Variants in ATP8B1 observed in about 807,000 individuals in gnomAD.
ATP8B1 encodes ATPase phospholipid transporting 8B1.
ATP8B1 carries 80 observed loss-of-function variants against 149.9 expected under a neutral mutation model. The observed-to-expected ratio is 0.53, with a 90% confidence interval of 0.45 to 0.64. The LOEUF is 0.64. Ranked by LOEUF, ATP8B1 falls within the 30% of genes least tolerant of loss-of-function variation. The pLI is 0.00. For missense variants in ATP8B1, 1,247 were observed against 1,552.6 expected, an observed-to-expected ratio of 0.80 and a Z score of 3.31; for synonymous variants, 536 against 562.8, an observed-to-expected ratio of 0.95 and a Z score of 0.67.
rs543609116 is a variant in ATP8B1, at chr18:57,763,991, G to T, written c.-25-32159C>A. Among the ~76,000 whole-genome samples, 9 of 152,324 alleles carry T rather than the reference G, an allele frequency of 5.9e-5. No homozygotes were observed. The South Asian group carries it at 1.9e-3, about 32-fold the overall frequency. The stretch of plus-strand genomic sequence containing the variant: ...TCGTTCATGGGACAGGTAAAGCTCT[G>T]AGAAGCACGATATCCCCAGCTGTGC... On this transcript the variant is annotated intron_variant, in intron 1 of 27. Coordinates refer to ENST00000648908, the MANE Select transcript of ATP8B1 (RefSeq NM_001374385.1).
chr18:57,703,295 C>T (rs569616303), intron 4 of ATP8B1, among the ~76,000 whole-genome samples: 21 of 152,072 alleles, frequency 1.4e-4, no homozygotes, highest in Non-Finnish European at 2.8e-4. Context: ...AAGTGCCGGG[C>T]GCAGTGGCTC....
intron 1 of ATP8B1, among the ~76,000 whole-genome samples, chr18:57,740,163 T>C (rs530804798): frequency 1.7e-4 from 26 of 152,248 alleles, no homozygotes; most frequent in African/African-American, 5.8e-4. Context: ...CGATCTCAGC[T>C]CACTGCAACC....
chr18:57,717,480 G>A (rs571552796), intron 2 of ATP8B1, among the ~76,000 whole-genome samples: 33 of 132,236 alleles, frequency 2.5e-4, no homozygotes, highest in South Asian at 2.5e-4. Context: ...CCCGGGAGGC[G>A]GAGCTTGCAG....
chr18:57,672,941 A>C (rs1308542687), intron 16 of ATP8B1, among the ~76,000 whole-genome samples: 3,562 of 95,284 alleles, frequency 0.037, 370 homozygotes, highest in Non-Finnish European at 0.054. Context: ...TAACATGTAT[A>C]TACACATATA....
intron 2 of ATP8B1, among the ~76,000 whole-genome samples, chr18:57,707,454 GA>G (rs1247753002): frequency 1.3e-5 from 2 of 152,280 alleles, no homozygotes; most frequent in African/African-American, 4.8e-5. Context: ...GCAGAGAAGA[GA>G]AATTAACAAT....
rs1012344771 is a variant in ATP8B1, at chr18:57,647,983, G to A, written c.*505C>T. The A allele has an allele frequency of 9.2e-6, 2 of 216,378 alleles. No homozygotes were observed. Among genetic ancestry groups the A allele is most frequent in the South Asian group, 6.9e-5 (1 of 14,480 alleles). The allele number at this position is 216,378 out of a possible 1,614,324, so 13.4% of individuals were successfully genotyped here. ...ATGACAGGCATGAGCCACCATGCCC[G>A]GCCTATTTTTAAATTTTTCTTAAGA... On this transcript the variant is annotated 3_prime_UTR_variant, in exon 28 of 28. Transcript: ENST00000648908.
At chr18:57,764,723 A>G (rs1226296031) in intron 1 of ATP8B1, among the ~76,000 whole-genome samples, 2 of 147,886 alleles carry the variant, frequency 1.4e-5, no homozygotes, top group Admixed American at 1.4e-4. Flanking sequence ...CCAGCCTGAC[A>G]CTATTCTTGA....
chr18:57,734,910 G>A (rs549718705), intron 1 of ATP8B1, among the ~76,000 whole-genome samples: 2 of 152,306 alleles, frequency 1.3e-5, no homozygotes, highest in Admixed American at 6.5e-5. Context: ...TTAAACAGGA[G>A]GCTTGCAACT....
intron 22 of ATP8B1, among the ~76,000 whole-genome samples, chr18:57,658,808 G>A (rs55740540): frequency 0.16 from 25,011 of 151,918 alleles, 2,204 homozygotes; most frequent in African/African-American, 0.23. Flanking sequence ...TGGGACTACC[G>A]GTGTGTGCCC....
At chr18:57,773,778 C>G (rs945768353) in intron 1 of ATP8B1, among the ~76,000 whole-genome samples, 52 of 152,232 alleles carry the variant, frequency 3.4e-4, no homozygotes, top group African/African-American at 1.2e-3. Context: ...TCCCTCCTAC[C>G]CTGCTCCCTA....
At chr18:57,717,311 C>T (rs755399529) in intron 2 of ATP8B1, among the ~76,000 whole-genome samples, 27 of 151,600 alleles carry the variant, frequency 1.8e-4, no homozygotes, top group African/African-American at 4.8e-4. Context: ...TTTGGGAGGC[C>T]GAGGTGGGCA....
intron 1 of ATP8B1, among the ~76,000 whole-genome samples, chr18:57,757,613 A>G (rs1221213156): frequency 2.0e-5 from 3 of 152,184 alleles, no homozygotes; most frequent in African/African-American, 4.8e-5. Flanking sequence ...TCTGATTCCA[A>G]TTGATTCCCA....
chr18:57,796,023 G>A (rs1376422775), intron 1 of ATP8B1, among the ~76,000 whole-genome samples: 1 of 152,034 alleles, frequency 6.6e-6, no homozygotes, highest in African/African-American at 2.4e-5. Flanking sequence ...ACAAAAATTA[G>A]CCAAGCCTGG....
chr18:57,697,761 C>T (rs747763047), intron 7 of ATP8B1, 34 bp downstream of exon 7: 26 of 1,612,462 alleles, frequency 1.6e-5, no homozygotes, highest in Admixed American at 1.5e-4. Context: ...TGGGGGAGAA[C>T]AAGGAACAAG....
At chr18:57,791,660 G>A (rs1361197207) in intron 1 of ATP8B1, among the ~76,000 whole-genome samples, 4 of 151,944 alleles carry the variant, frequency 2.6e-5, no homozygotes, top group Non-Finnish European at 5.9e-5. Context: ...TCCTTCCTTC[G>A]TAAGGCTGAG....
At chr18:57,677,802 A>T (rs1165279208) in intron 15 of ATP8B1, among the ~76,000 whole-genome samples, 1 of 152,224 alleles carries the variant, frequency 6.6e-6, no homozygotes, top group Non-Finnish European at 1.5e-5. Flanking sequence ...TCCCTTCGGC[A>T]ACTTAAGTTG....
At chr18:57,732,305 ATATG>A (rs1568044399) in intron 1 of ATP8B1, among the ~76,000 whole-genome samples, 2 of 12,308 alleles carry the variant, frequency 1.6e-4, no homozygotes, top group Non-Finnish European at 2.0e-4. Flanking sequence ...ATATGTGTAT[ATATG>A]TGTGTATATA....
rs1912582657 is a variant in ATP8B1 at position 57,692,441 on chromosome 18, T to C, written c.1030-444A>G. On this transcript the variant is annotated intron_variant, in intron 11 of 27. Coordinates refer to ENST00000648908, the MANE Select transcript of ATP8B1 (RefSeq NM_001374385.1). ...ATTCAACAGATTTTTTTTTTTTTTT[T>C]TTTTTTTTTTTTTAGACAGCGTCTC... Among the ~76,000 whole-genome samples, 3 of 146,136 alleles carry C rather than the reference T, an allele frequency of 2.1e-5. No individual in the cohort carries two copies. The South Asian group carries it at 6.8e-4, about 33-fold the overall frequency.
At chr18:57,707,940 T>G (rs933600569) in intron 2 of ATP8B1, among the ~76,000 whole-genome samples, 34 of 151,278 alleles carry the variant, frequency 2.2e-4, no homozygotes, top group African/African-American at 8.2e-4. Flanking sequence ...ATGGATCACT[T>G]GAGGTCAGGA....
Sources: gnomAD v4.1 joint callset for allele counts (sites outside exome capture counted in the v4.1 genomes callset) on GRCh38, gnomAD v4.1.1 for gene constraint, MANE v1.5 for transcripts, NCBI Gene and HGNC (gene_info 2026-07-23, HGNC 2026-07-21) for gene names.